Variants in MFSD11 observed in about 807,000 individuals in gnomAD.
The protein encoded by MFSD11 is major facilitator superfamily domain containing 11.
Under a neutral mutation model 53.5 loss-of-function variants are expected in MFSD11, and 36 were observed. That is an observed-to-expected ratio of 0.67 (90% CI 0.52 to 0.89). The LOEUF is 0.89. Among genes scored for constraint, MFSD11 ranks in the 40% least tolerant of loss-of-function variants. MFSD11 has a pLI of 0.00. For missense variants in MFSD11, 530 were observed against 543.9 expected, an observed-to-expected ratio of 0.97 and a Z score of 0.25; for synonymous variants, 186 against 184.9, an observed-to-expected ratio of 1.01 and a Z score of -0.05.
In MFSD11 at chr17:76,750,589, C is replaced by T. The variant is rs182749834; in HGVS notation, c.642-3458C>T. ...GCCAGGATGGTCTCGATCTCCTGACCTCGTGATCCGCCCACCTCAGCCTCC... is the reference window on the plus strand; with the variant it reads ...GCCAGGATGGTCTCGATCTCCTGACTTCGTGATCCGCCCACCTCAGCCTCC... On this transcript the variant is annotated intron_variant, in intron 7 of 12. Coordinates refer to ENST00000685175, the MANE Select transcript of MFSD11 (RefSeq NM_001242532.5). 3.4e-3 allele frequency among the ~76,000 whole-genome samples: 519 copies of T among 152,084 alleles called. 4 individuals are homozygous for T. The highest frequency in any genetic ancestry group is 0.011 in the African/African-American group (475 of 41,508).
the MFSD11 span, among the ~76,000 whole-genome samples, chr17:76,791,927 T>C: frequency 4.8e-5 from 7 of 146,212 alleles, no homozygotes; most frequent in Non-Finnish European, 6.0e-5. Flanking sequence ...TCAGAAACCA[T>C]TGAAACCAGT....
chr17:76,736,651 G>T, upstream of MFSD11: 1 of 1,185,042 alleles, frequency 8.4e-7, no homozygotes, highest in Non-Finnish European at 1.1e-6. Context: ...GCGGAAGCTC[G>T]CGGGGTGGCC....
chr17:76,758,648 C>T (rs2079893153), intron 8 of MFSD11, among the ~76,000 whole-genome samples: 1 of 143,990 alleles, frequency 6.9e-6, no homozygotes, highest in Non-Finnish European at 1.5e-5. Context: ...CACAACCTAA[C>T]AAACTTGAAA....
the MFSD11 span, among the ~76,000 whole-genome samples, chr17:76,788,114 C>T: frequency 6.7e-6 from 1 of 149,176 alleles, no homozygotes; most frequent in Non-Finnish European, 1.5e-5. Flanking sequence ...GATCTCAGCT[C>T]ACTGCAAGCT....
intron 5 of MFSD11, 39 bp downstream of exon 5, chr17:76,742,312 CT>C: frequency 5.2e-6 from 8 of 1,539,398 alleles, no homozygotes; most frequent in South Asian, 3.5e-5. Context: ...CCTTTTCTTT[CT>C]TTTTTTTCTG....
At chr17:76,755,813 T>TA (rs1491559378) in intron 8 of MFSD11, among the ~76,000 whole-genome samples, 265 of 14,738 alleles carry the variant, frequency 0.018, no homozygotes, top group African/African-American at 0.023. Flanking sequence ...TATATATATA[T>TA]TTTTTTTTTT....
the MFSD11 span, among the ~76,000 whole-genome samples, chr17:76,793,217 C>T: frequency 2.0e-5 from 3 of 151,300 alleles, no homozygotes; most frequent in Non-Finnish European, 2.9e-5. Context: ...CCTAATAAGC[C>T]TGGGAGCACT....
At chr17:76,759,756 CTTTTTT>C (rs1159131964) in intron 8 of MFSD11, among the ~76,000 whole-genome samples, 11 of 27,006 alleles carry the variant, frequency 4.1e-4, no homozygotes, top group Non-Finnish European at 7.1e-4. Flanking sequence ...CGTGACCGGC[CTTTTTT>C]TTTTTTTTTT....
At chr17:76,766,111 C>T (rs2080827284) in intron 8 of MFSD11, among the ~76,000 whole-genome samples, 2 of 150,716 alleles carry the variant, frequency 1.3e-5, no homozygotes, top group South Asian at 2.1e-4. Flanking sequence ...GCTAAGTCTT[C>T]TGATTTTTCT....
In MFSD11 at chr17:76,738,119, G is replaced by C; in HGVS notation, c.-234G>C. 1.9e-6 allele frequency: 1 copy of C among 529,534 alleles called. No homozygotes were observed. The allele number at this position is 529,534 out of a possible 1,614,324, so 32.8% of individuals were successfully genotyped here. On this transcript the variant is annotated 5_prime_UTR_variant, in exon 1 of 13. Transcript: ENST00000685175. ...AATTCTTGGCGCTTCTCCGGGGGTT[G>C]TGCTCTTCCGTACTCGGATCGCTTC...
At chr17:76,789,242 G>A in the MFSD11 span, among the ~76,000 whole-genome samples, 3 of 150,332 alleles carry the variant, frequency 2.0e-5, 1 homozygote, top group South Asian at 6.6e-4. Flanking sequence ...CAAGTGCCCT[G>A]TTCAGCCTTG....
At chr17:76,753,703 A>AG in intron 7 of MFSD11, among the ~76,000 whole-genome samples, 1 of 148,892 alleles carries the variant, frequency 6.7e-6, no homozygotes, top group Admixed American at 6.7e-5. Flanking sequence ...AAAAAAAAAA[A>AG]GAAAGAAAGA....
upstream of MFSD11, chr17:76,736,786 C>A: frequency 6.6e-7 from 1 of 1,523,292 alleles, no homozygotes; most frequent in Non-Finnish European, 8.8e-7. Context: ...GCGGTCCCCT[C>A]AGCCCCGTTT....
At chr17:76,756,071 G>C (rs1160464836) in intron 8 of MFSD11, among the ~76,000 whole-genome samples, 1 of 149,736 alleles carries the variant, frequency 6.7e-6, no homozygotes, top group Admixed American at 6.7e-5. Context: ...TGATCCACCC[G>C]CCTTGGCCTC....
chr17:76,736,726 G>T, upstream of MFSD11: 1 of 1,364,580 alleles, frequency 7.3e-7, no homozygotes, highest in South Asian at 1.7e-5. Flanking sequence ...GCTTCGCCGC[G>T]GACCTTTGTG....
chr17:76,769,957 C>A, intron 10 of MFSD11, 86 bp downstream of exon 10: 1 of 1,245,708 alleles, frequency 8.0e-7, no homozygotes, highest in Non-Finnish European at 1.1e-6. Context: ...CACCTTTGTC[C>A]TTGAATTTCT....
At chr17:76,765,452 C>CTTTTTTT (rs59878271) in intron 8 of MFSD11, among the ~76,000 whole-genome samples, 8 of 91,500 alleles carry the variant, frequency 8.7e-5, no homozygotes, top group Admixed American at 1.1e-4. Context: ...CTTGAATTTC[C>CTTTTTTT]TTTTTTTTTT....
rs748981152 is a variant in MFSD11 at position 76,738,985 on chromosome 17, A to G, written c.144A>G (p.Gly48=). The change falls in exon 2 of 13, where the codon GGA becomes GGG. Residue 48 remains glycine, a synonymous_variant. Coordinates refer to ENST00000685175, the MANE Select transcript of MFSD11 (RefSeq NM_001242532.5). ...SLNRTDFHGS[G]YTSMAIIYGV... ...ATAGGACAGATTTTCACGGCAGTGG[A>G]TATACCAGGTATTGTACCGTATGAT... The G allele has an allele frequency of 4.3e-6, 7 of 1,613,238 alleles. No homozygotes were observed. The highest frequency in any genetic ancestry group is 1.3e-5 in the African/African-American group (1 of 74,908).
At chr17:76,778,145 G>A (rs774938099) in intron 12 of MFSD11, 43 bp from the exon 13 acceptor site, 1 of 1,609,960 alleles carries the variant, frequency 6.2e-7, no homozygotes, top group Non-Finnish European at 8.5e-7. Context: ...GGCTCAGTGT[G>A]GCCCCCGGTG....
Sources: gnomAD v4.1 joint callset for allele counts (sites outside exome capture counted in the v4.1 genomes callset) on GRCh38, gnomAD v4.1.1 for gene constraint, MANE v1.5 for transcripts, NCBI Gene and HGNC (gene_info 2026-07-23, HGNC 2026-07-21) for gene names.